ITGA1: variants seen among roughly 807,000 people sequenced by gnomAD.
The protein encoded by ITGA1 is integrin alpha-1.
ITGA1 carries 85 observed loss-of-function variants against 145.9 expected under a neutral mutation model. The ratio of observed to expected loss-of-function variants is 0.58; its 90% CI spans 0.49 to 0.70. The LOEUF is 0.70. ITGA1 is among the 30% of genes least tolerant of loss of function. The pLI is 0.00. For synonymous variants in ITGA1, 520 were observed against 495.3 expected (o/e 1.05, Z -0.66); for missense variants, 1,351 against 1,418.7 (o/e 0.95, Z 0.77).
chr5:52,942,782 C>G (rs188226069), intron 26 of ITGA1, among the ~76,000 whole-genome samples: 1 of 150,870 alleles, frequency 6.6e-6, no homozygotes, highest in African/African-American at 2.4e-5. Context: ...ACCTCATGAT[C>G]TGCCCACCTC....
intron 14 of ITGA1, among the ~76,000 whole-genome samples, chr5:52,912,937 G>A (rs961486494): frequency 5.9e-5 from 9 of 151,850 alleles, no homozygotes; most frequent in South Asian, 2.1e-4. Flanking sequence ...TAGTAGAGAC[G>A]GGGTTTCACC....
chr5:52,894,272 C>T (rs1171384360), intron 9 of ITGA1, among the ~76,000 whole-genome samples: 6 of 152,078 alleles, frequency 3.9e-5, no homozygotes, highest in African/African-American at 1.4e-4. Context: ...TCTTTGTTCA[C>T]TTATTTTCTC....
intron 8 of ITGA1, among the ~76,000 whole-genome samples, chr5:52,890,168 C>T (rs945008861): frequency 6.6e-6 from 1 of 152,184 alleles, no homozygotes; most frequent in African/African-American, 2.4e-5. Context: ...CACCTGCCTT[C>T]CTCCACCTGG....
intron 14 of ITGA1, among the ~76,000 whole-genome samples, chr5:52,913,664 A>G (rs1712173515): frequency 6.6e-6 from 1 of 152,180 alleles, no homozygotes; most frequent in African/African-American, 2.4e-5. Flanking sequence ...TACAAATAAA[A>G]CAGAATTCAC....
chr5:52,865,853 A>T (rs1420007181), intron 6 of ITGA1, 36 bp downstream of exon 6: 2 of 1,515,840 alleles, frequency 1.3e-6, no homozygotes, highest in East Asian at 2.5e-5. Flanking sequence ...TGTTGTTCTA[A>T]AGATAAAAAT....
intron 19 of ITGA1, among the ~76,000 whole-genome samples, chr5:52,925,789 C>T (rs1430518777): frequency 6.6e-6 from 1 of 152,066 alleles, no homozygotes; most frequent in Non-Finnish European, 1.5e-5. Context: ...AAAATAATAA[C>T]AATCAAAGCC....
At chr5:52,847,937 C>G (rs1035301143) in intron 1 of ITGA1, among the ~76,000 whole-genome samples, 1 of 152,200 alleles carries the variant, frequency 6.6e-6, no homozygotes, top group African/African-American at 2.4e-5. Context: ...AGGAATTTGG[C>G]ACCATCCATT....
intron 18 of ITGA1, among the ~76,000 whole-genome samples, chr5:52,924,486 G>T (rs1162947429): frequency 6.6e-6 from 1 of 152,246 alleles, no homozygotes; most frequent in Non-Finnish European, 1.5e-5. Context: ...AGGAGGTGAC[G>T]TGAGGTGAGG....
intron 11 of ITGA1, chr5:52,903,347 A>G (rs952088938): frequency 6.6e-6 from 1 of 152,184 alleles, no homozygotes; most frequent in Non-Finnish European, 1.5e-5. Flanking sequence ...TTATGTATGT[A>G]TAAACATGGC....
At chr5:52,790,030 G>T (rs1478908797) in intron 1 of ITGA1, among the ~76,000 whole-genome samples, 3 of 152,154 alleles carry the variant, frequency 2.0e-5, no homozygotes, top group African/African-American at 7.2e-5. Context: ...TCTGAAATTG[G>T]ACTGCTTTCC....
chr5:52,952,117 G>T (rs1290619959), intron 28 of ITGA1, among the ~76,000 whole-genome samples: 1 of 151,530 alleles, frequency 6.6e-6, no homozygotes, highest in Non-Finnish European at 1.5e-5. Flanking sequence ...TTGAACCCGG[G>T]TGGCGGAGGT....
At chr5:52,851,607 A>G (rs1242895779) in intron 2 of ITGA1, among the ~76,000 whole-genome samples, 1 of 152,202 alleles carries the variant, frequency 6.6e-6, no homozygotes, top group African/African-American at 2.4e-5. Context: ...CATAGATTGG[A>G]TAGTAAGAAT....
intron 1 of ITGA1, chr5:52,800,224 C>T (rs1748434707): frequency 1.6e-6 from 1 of 635,192 alleles, no homozygotes; most frequent in Non-Finnish European, 2.7e-6. Context: ...AGAGGAAGTG[C>T]TGCCCTAGGC....
chr5:52,937,305 A>G (rs927260088), intron 23 of ITGA1, 96 bp from the exon 24 acceptor site: 6 of 792,314 alleles, frequency 7.6e-6, no homozygotes, highest in Non-Finnish European at 1.3e-5. Context: ...AATATTACAC[A>G]ATTTACTTCA....
intron 1 of ITGA1, among the ~76,000 whole-genome samples, chr5:52,794,689 T>A (rs958667824): frequency 2.0e-5 from 3 of 151,780 alleles, no homozygotes; most frequent in Non-Finnish European, 4.4e-5. Flanking sequence ...AAAAAACCAC[T>A]TTCCCTTTTA....
chr5:52,793,719 T>G (rs1451467250), intron 1 of ITGA1, among the ~76,000 whole-genome samples: 1 of 152,022 alleles, frequency 6.6e-6, no homozygotes, highest in Admixed American at 6.6e-5. Context: ...TCTCTTCAAG[T>G]GCCAAGTTTA....
chr5:52,849,350 G>T lies in ITGA1; in HGVS notation c.62-15G>T. ...AGTTAACTCTATGTAACTGGATTTT[G>T]TTTTTCTCCTAAAGTTGTTCTACGC... On this transcript the variant is annotated splice_polypyrimidine_tract_variant and intron_variant, in intron 1 of 28. Transcript: ENST00000282588. The T allele has an allele frequency of 6.3e-7, 1 of 1,583,762 alleles. No individual in the cohort carries two copies. Among genetic ancestry groups the T allele is most frequent in the Non-Finnish European group, 8.6e-7 (1 of 1,160,140 alleles).
intron 6 of ITGA1, 55 bp from the exon 7 acceptor site, chr5:52,881,818 A>T: frequency 6.5e-7 from 1 of 1,529,650 alleles, no homozygotes; most frequent in Non-Finnish European, 8.9e-7. Context: ...AACCTGAAGA[A>T]ATCTGAACAG....
intron 26 of ITGA1, among the ~76,000 whole-genome samples, chr5:52,940,870 A>T (rs1751044646): frequency 6.6e-6 from 1 of 152,102 alleles, no homozygotes; most frequent in African/African-American, 2.4e-5. Flanking sequence ...TTTGCAGGAT[A>T]TTGAGGTTTA....
Sources: gnomAD v4.1 joint callset for allele counts (sites outside exome capture counted in the v4.1 genomes callset) on GRCh38, gnomAD v4.1.1 for gene constraint, MANE v1.5 for transcripts, NCBI Gene and HGNC (gene_info 2026-07-23, HGNC 2026-07-21) for gene names.